The following TSPAN7 variants were observed in gnomAD, a reference collection of about 807,000 sequenced individuals.
TSPAN7 encodes the protein tetraspanin-7.
A neutral mutation model predicts 17.6 loss-of-function variants in TSPAN7; 1 was observed. That is an observed-to-expected ratio of 0.06 (90% confidence interval 0.02 to 0.27). The LOEUF is 0.27. TSPAN7 is among the 10% of genes least tolerant of loss of function. The probability of loss-of-function intolerance (pLI) is 1.00; values close to 1 mark genes in which losing one functional copy is unlikely to be tolerated. For missense variants in TSPAN7, 112 were observed against 201.7 expected (o/e 0.56, Z 2.69); for synonymous variants, 78 against 79.0 (o/e 0.99, Z 0.07).
At chrX:38,646,406 G>A in intron 1 of TSPAN7, 2 of 831,966 alleles carry the variant, frequency 2.4e-6, no homozygotes, top group Non-Finnish European at 3.3e-6. Context: ...TACTCTCCCT[G>A]AAGTGGCAGT....
intron 1 of TSPAN7, among the ~76,000 whole-genome samples, chrX:38,643,663 C>T (rs1365336011): frequency 1.3e-4 from 12 of 89,537 alleles, no homozygotes; most frequent in Admixed American, 4.0e-4. Context: ...AATGAAACCC[C>T]GTCTCTACCA....
intron 1 of TSPAN7, chrX:38,656,018 C>T (rs1001315248): frequency 1.1e-4 from 34 of 323,129 alleles, no homozygotes; most frequent in Middle Eastern, 4.4e-4. Flanking sequence ...CCAAAATTCA[C>T]GAGGACACAG....
At chrX:38,621,929 T>G (rs528214202) in intron 1 of TSPAN7, among the ~76,000 whole-genome samples, 114 of 112,408 alleles carry the variant, frequency 1.0e-3, no homozygotes, top group Non-Finnish European at 1.7e-3. Flanking sequence ...ATGCAGAATT[T>G]TAATCCAGGG....
At chrX:38,633,799 C>T (rs1452929478) in intron 1 of TSPAN7, among the ~76,000 whole-genome samples, 2 of 111,949 alleles carry the variant, frequency 1.8e-5, no homozygotes, top group African/African-American at 6.5e-5. Context: ...TAAAGTAGAC[C>T]ATAAAAGGAA....
intron 1 of TSPAN7, among the ~76,000 whole-genome samples, chrX:38,618,490 C>G (rs2069469280): frequency 8.9e-6 from 1 of 111,755 alleles, no homozygotes; most frequent in African/African-American, 3.3e-5. Flanking sequence ...AGTCAGGGTG[C>G]ATGAGGCATA....
chrX:38,617,141 C>T (rs916740533), intron 1 of TSPAN7, among the ~76,000 whole-genome samples: 2 of 111,862 alleles, frequency 1.8e-5, no homozygotes, highest in Admixed American at 9.5e-5. Flanking sequence ...TGGTTGCATT[C>T]GGCCCGAGAG....
chrX:38,625,073 A>G (rs189546002), intron 1 of TSPAN7, among the ~76,000 whole-genome samples: 6 of 111,847 alleles, frequency 5.4e-5, no homozygotes, highest in Non-Finnish European at 1.1e-4. Flanking sequence ...CTTGCCTGTA[A>G]ACAGTATACT....
chrX:38,596,157 A>T (rs1240733112), intron 1 of TSPAN7, among the ~76,000 whole-genome samples: 1 of 111,392 alleles, frequency 9.0e-6, no homozygotes, highest in Non-Finnish European at 1.9e-5. Flanking sequence ...TCTGCAGATA[A>T]CAGCTTCCCT....
chrX:38,675,044 C>T (rs2069844191), intron 4 of TSPAN7, among the ~76,000 whole-genome samples: 1 of 112,085 alleles, frequency 8.9e-6, no homozygotes, highest in Admixed American at 9.4e-5. Flanking sequence ...TATTTTTGCC[C>T]CGTTTGCTTT....
chrX:38,590,901 G>A (rs983269390), intron 1 of TSPAN7, among the ~76,000 whole-genome samples: 6 of 111,114 alleles, frequency 5.4e-5, no homozygotes, highest in African/African-American at 2.0e-4. Context: ...TACTTACATT[G>A]GTAATTCATG....
chrX:38,678,858 G>A (rs777043311), intron 5 of TSPAN7, among the ~76,000 whole-genome samples: 17 of 111,322 alleles, frequency 1.5e-4, no homozygotes, highest in Admixed American at 7.6e-4. Context: ...ATGAAGTGTC[G>A]GGAGATCTGG....
At chrX:38,583,423 C>T (rs2069238318) in intron 1 of TSPAN7, among the ~76,000 whole-genome samples, 1 of 112,152 alleles carries the variant, frequency 8.9e-6, no homozygotes, top group Non-Finnish European at 1.9e-5. Flanking sequence ...TGTCAGCCTT[C>T]CTCAATTACT....
In TSPAN7 at chrX:38,590,981, T is replaced by C. The variant is rs992744432; in HGVS notation, c.81+29354T>C. 2.7e-5 allele frequency among the ~76,000 whole-genome samples: 3 copies of C among 111,396 alleles called. No homozygotes were observed. In the Admixed American group the frequency reaches 2.9e-4, roughly 11 times the overall value. On this transcript the variant is annotated intron_variant, in intron 1 of 7. Transcript: ENST00000378482. ...AGTTTGATTTTCTCAATAAGCAAGT[T>C]TTTTATTTCATTAATTTTTCTTTCT... is the stretch of plus-strand genomic sequence containing the variant.
intron 1 of TSPAN7, chrX:38,656,062 C>T (rs1455096715): frequency 1.6e-5 from 5 of 321,461 alleles, no homozygotes; most frequent in Admixed American, 1.3e-4. Flanking sequence ...AAGAAGAGCT[C>T]GTCACTAAGA....
intron 1 of TSPAN7, among the ~76,000 whole-genome samples, chrX:38,597,963 T>C (rs1474604245): frequency 8.9e-6 from 1 of 111,895 alleles, no homozygotes; most frequent in Non-Finnish European, 1.9e-5. Flanking sequence ...TTTCTCTTCC[T>C]ATGGGCAACT....
At chrX:38,684,234 C>A (rs184789918) in intron 6 of TSPAN7, among the ~76,000 whole-genome samples, 83 of 112,245 alleles carry the variant, frequency 7.4e-4, no homozygotes, top group African/African-American at 2.4e-3. Flanking sequence ...CCCCTGTTAG[C>A]TAACTTAGCT....
chrX:38,642,126 C>G (rs959267620), intron 1 of TSPAN7, among the ~76,000 whole-genome samples: 1 of 111,830 alleles, frequency 8.9e-6, no homozygotes, highest in Non-Finnish European at 1.9e-5. Flanking sequence ...TGTGCAGCTT[C>G]TCTTCAACCC....
chrX:38,650,617 C>A (rs966444348), intron 1 of TSPAN7, among the ~76,000 whole-genome samples: 2 of 112,459 alleles, frequency 1.8e-5, no homozygotes, highest in Non-Finnish European at 3.8e-5. Flanking sequence ...CTGGGCCAGT[C>A]ACTTTCAGCT....
intron 1 of TSPAN7, chrX:38,608,236 A>G (rs1197505991): frequency 1.8e-5 from 2 of 110,653 alleles, no homozygotes; most frequent in Non-Finnish European, 3.8e-5. Flanking sequence ...CTCTTTTAGA[A>G]TTTGTCTAGC....
Sources: gnomAD v4.1 joint callset for allele counts (sites outside exome capture counted in the v4.1 genomes callset) on GRCh38, gnomAD v4.1.1 for gene constraint, MANE v1.5 for transcripts, NCBI Gene and HGNC (gene_info 2026-07-23, HGNC 2026-07-21) for gene names.